NACC2: variants seen among roughly 807,000 people sequenced by gnomAD.
NACC2 encodes nucleus accumbens-associated protein 2.
A neutral mutation model predicts 25.1 loss-of-function variants in NACC2; 8 were observed. That is an observed-to-expected ratio of 0.32 (90% CI 0.19 to 0.57). The LOEUF is 0.57. NACC2 is among the 20% of genes least tolerant of loss of function. NACC2 has a pLI of 0.89. For missense variants in NACC2, 644 were observed against 650.2 expected, an observed-to-expected ratio of 0.99 and a Z score of 0.10; for synonymous variants, 435 against 294.7, an observed-to-expected ratio of 1.48 and a Z score of -4.88.
Position 136,049,630 on chromosome 9 carries a change from C to T in NACC2, c.886+6G>A, listed in dbSNP as rs1331126841. The T allele has an allele frequency of 2.5e-5, 19 of 774,156 alleles. 1 individual carries two copies. The highest frequency in any genetic ancestry group is 2.7e-4 in the Middle Eastern group (1 of 3,762). The allele number at this position is 774,156 out of a possible 1,614,324, so 48.0% of individuals were successfully genotyped here. ...GGTGGTGTGGGGCTCCACCCCGCCG[C>T]GTTACCTGCATAGCTGCCGGAGGCC... On this transcript the variant is annotated splice_donor_region_variant and intron_variant, in intron 2 of 5. Transcript: ENST00000277554.
rs1840785560 is a variant in NACC2 at position 136,049,642 on chromosome 9, A to G, written c.880T>C (p.Tyr294His). The G allele has an allele frequency of 1.3e-6, 1 of 776,526 alleles. No homozygotes were observed. The highest frequency in any genetic ancestry group is 2.4e-6 in the Non-Finnish European group (1 of 416,364). The allele number at this position is 776,526 out of a possible 1,614,324, so 48.1% of individuals were successfully genotyped here. A position where few individuals can be genotyped will look rare whatever the true frequency, so the allele number is the denominator to read the frequency against. Reference protein sequence around the residue: ...GQMYIKASGSYAVQEKPEPVP... With the variant: ...GQMYIKASGSHAVQEKPEPVP... ...CTCCACCCCGCCGCGTTACCTGCATAGCTGCCGGAGGCCTTGATGTACATC... is the reference window on the plus strand; with the variant it reads ...CTCCACCCCGCCGCGTTACCTGCATGGCTGCCGGAGGCCTTGATGTACATC... Residue 294 changes from tyrosine to histidine, a missense_variant, in exon 2 of 6, where the codon TAT becomes CAT. Transcript: ENST00000277554.
intron 1 of NACC2, among the ~76,000 whole-genome samples, chr9:136,067,334 G>A (rs964087781): frequency 2.0e-5 from 3 of 152,002 alleles, no homozygotes; most frequent in African/African-American, 7.2e-5. Context: ...GAGGGATGGG[G>A]AAATGAGAAT....
At chr9:136,023,897 A>G (rs2131141186) in intron 2 of NACC2, among the ~76,000 whole-genome samples, 1 of 152,328 alleles carries the variant, frequency 6.6e-6, no homozygotes, top group South Asian at 2.1e-4. Flanking sequence ...TGCCACCCAC[A>G]CAAGTGTGTA....
Position 136,009,618 on chromosome 9 carries a change from CGGCCCCACGGGAGGTCTCCTA to C in NACC2, c.*1877_*1897del, listed in dbSNP as rs1393562541. 2 of 152,374 alleles carry C rather than the reference CGGCCCCACGGGAGGTCTCCTA, an allele frequency of 1.3e-5. No homozygotes were observed. The highest frequency in any genetic ancestry group is 3.9e-4 in the East Asian group (2 of 5,182). The allele number at this position is 152,374 out of a possible 1,614,324, so 9.4% of individuals were successfully genotyped here. A position where few individuals can be genotyped will look rare whatever the true frequency, so the allele number is the denominator to read the frequency against. On this transcript the variant is annotated 3_prime_UTR_variant, in exon 6 of 6. Transcript: ENST00000277554. Reference sequence around the variant, plus strand: ...GGAGGCTGAGTGCTGTCTGTAGAGGCGGCCCCACGGGAGGTCTCCTAGGGCCTCGCCACAGGGGTGGGCTTC... The same window carrying C: ...GGAGGCTGAGTGCTGTCTGTAGAGGCGGGCCTCGCCACAGGGGTGGGCTTC...
At position 136,013,855 on chromosome 9, in the gene NACC2, C is replaced by G; in HGVS notation, c.1157+9G>C. ...CATTGTGCCCTCCAGCACTCCTGCC[C>G]CGACCTACCTGTCAAAGAAGGTGGC... On this transcript the variant is annotated intron_variant, in intron 4 of 5. Transcript: ENST00000277554. This position sits in a 1 kb window ranked among gnomAD's most constrained non-coding sequence, Gnocchi z 6.6. The G allele has an allele frequency of 6.2e-7, 1 of 1,611,678 alleles. No individual in the cohort carries two copies. The highest frequency in any genetic ancestry group is 1.1e-5 in the South Asian group (1 of 90,978).
rs914432720 is a variant in NACC2, at chr9:136,013,004, C to T, written c.1255+195G>A. Reference sequence around the variant, plus strand: ...ATCACACTTGGAAACCTACCAAGAACGTTAACACCTCGAGACCTGGCTTCT... The same window carrying T: ...ATCACACTTGGAAACCTACCAAGAATGTTAACACCTCGAGACCTGGCTTCT... On this transcript the variant is annotated intron_variant, in intron 5 of 5. Transcript: ENST00000277554. The surrounding 1 kb of genome is among the most constrained non-coding windows in gnomAD (Gnocchi z 6.6). Among the ~76,000 whole-genome samples the T allele has an allele frequency of 6.6e-6, 1 of 152,238 alleles. No homozygotes were observed. The highest frequency in any genetic ancestry group is 1.5e-5 in the Non-Finnish European group (1 of 68,042).
At chr9:136,060,258 A>G (rs1588575671) in intron 1 of NACC2, among the ~76,000 whole-genome samples, 1 of 152,260 alleles carries the variant, frequency 6.6e-6, no homozygotes, top group Non-Finnish European at 1.5e-5. Context: ...GCAACACCGA[A>G]GAATCTTGTG....
At chr9:136,042,357 G>T (rs1840645891) in intron 2 of NACC2, among the ~76,000 whole-genome samples, 1 of 152,174 alleles carries the variant, frequency 6.6e-6, no homozygotes, top group Admixed American at 6.5e-5. Context: ...TAAAGCTACA[G>T]TAATCCTGAC....
In NACC2 at chr9:136,011,325, C is replaced by T; in HGVS notation, c.*191G>A. 3.3e-6 allele frequency: 2 copies of T among 602,848 alleles called. No homozygotes were observed. The highest frequency in any genetic ancestry group is 4.8e-6 in the Non-Finnish European group (2 of 415,144). 37.3% of individuals were successfully genotyped at this position (602,848 alleles called of 1,614,324 possible). On this transcript the variant is annotated 3_prime_UTR_variant, in exon 6 of 6. Coordinates refer to ENST00000277554, the MANE Select transcript of NACC2 (RefSeq NM_144653.5). ...TTCCTCGCAGGAGGCTGCCAGTGGC[C>T]TAATTGTTTACAGTATAATGAATGC... is the stretch of plus-strand genomic sequence containing the variant.
In NACC2 at chr9:136,049,923, C is replaced by T. The variant is rs1370919396; in HGVS notation, c.599G>A (p.Gly200Asp). Reference sequence around the variant, plus strand: ...CGCAGCCCCCGCGGCCACCGCCACGCCGTCCCGGGGCCCCGTCTCCAGCGG... The same window carrying T: ...CGCAGCCCCCGCGGCCACCGCCACGTCGTCCCGGGGCCCCGTCTCCAGCGG... ...KRPLETGPRDGVAVAAGAAVA... is the reference protein window; with the variant it reads ...KRPLETGPRDDVAVAAGAAVA... Residue 200 changes from glycine (G) to aspartate (D), a missense_variant, in exon 2 of 6, where the codon GGC (glycine) becomes GAC (aspartate). By Grantham distance (94) the Gly-to-Asp change is moderately conservative (BLOSUM62 -1). Transcript: ENST00000277554. 3 of 579,182 alleles carry T rather than the reference C, an allele frequency of 5.2e-6. No individual in the cohort carries two copies. Among genetic ancestry groups the T allele is most frequent in the Non-Finnish European group, 9.2e-6 (3 of 326,054 alleles). 35.9% of individuals were successfully genotyped at this position (579,182 alleles called of 1,614,324 possible).
intron 1 of NACC2, among the ~76,000 whole-genome samples, chr9:136,053,220 G>T (rs1449340559): frequency 1.3e-5 from 2 of 152,238 alleles, no homozygotes; most frequent in African/African-American, 4.8e-5. Context: ...ACCAGAGAGA[G>T]GGCCATCTGG....
At chr9:136,051,249 C>T (rs1421401530) in intron 1 of NACC2, among the ~76,000 whole-genome samples, 7 of 152,196 alleles carry the variant, frequency 4.6e-5, no homozygotes, top group African/African-American at 1.7e-4. Context: ...CCACCCTGGG[C>T]GCGCCCGCTC....
At chr9:136,040,854 T>C (rs1394038672) in intron 2 of NACC2, among the ~76,000 whole-genome samples, 1 of 151,936 alleles carries the variant, frequency 6.6e-6, no homozygotes, top group East Asian at 1.9e-4. Flanking sequence ...CCAGCTACTC[T>C]GGGGGCTGAG....
intron 1 of NACC2, among the ~76,000 whole-genome samples, chr9:136,083,577 C>T (rs977128230): frequency 6.6e-6 from 1 of 152,236 alleles, no homozygotes; most frequent in African/African-American, 2.4e-5. Context: ...AGGGAAAACG[C>T]GGACACCTGT....
rs188412228 is a variant in NACC2, at chr9:136,009,244, C to G, written c.*2272G>C. 1.8e-4 allele frequency: 28 copies of G among 152,358 alleles called. No homozygotes were observed. The highest frequency in any genetic ancestry group is 6.5e-4 in the African/African-American group (27 of 41,484). 9.4% of individuals were successfully genotyped at this position (152,358 alleles called of 1,614,324 possible). A position where few individuals can be genotyped will look rare whatever the true frequency, so the allele number is the denominator to read the frequency against. The stretch of plus-strand genomic sequence containing the variant: ...TCACCTACCTGCCCCTGCTCCACCC[C>G]GCGGCTTCCTCCCATCTCCGAGGAA... On this transcript the variant is annotated 3_prime_UTR_variant, in exon 6 of 6. Coordinates refer to ENST00000277554, the MANE Select transcript of NACC2 (RefSeq NM_144653.5).
intron 2 of NACC2, among the ~76,000 whole-genome samples, chr9:136,044,837 C>A (rs965202146): frequency 5.1e-4 from 78 of 152,302 alleles, no homozygotes; most frequent in South Asian, 1.7e-3. Context: ...CGGAGACCAC[C>A]CTAGCCAGCA....
At chr9:136,070,370 T>G (rs1841135523) in intron 1 of NACC2, among the ~76,000 whole-genome samples, 1 of 151,354 alleles carries the variant, frequency 6.6e-6, no homozygotes. Context: ...TAGCCGGGCG[T>G]GGTGGTGGGC....
chr9:136,082,704 G>T (rs1478375256), intron 1 of NACC2, among the ~76,000 whole-genome samples: 1 of 152,200 alleles, frequency 6.6e-6, no homozygotes, highest in Admixed American at 6.5e-5. Flanking sequence ...AACCCCAACA[G>T]GGGCGCAGCC....
At chr9:136,047,132 C>T (rs141201668) in intron 2 of NACC2, among the ~76,000 whole-genome samples, 3,525 of 152,264 alleles carry the variant, frequency 0.023, 81 homozygotes, top group Non-Finnish European at 0.03. Context: ...AGACAGCTAC[C>T]TGCCTCCACT....
Sources: allele counts gnomAD v4.1 joint callset (sites outside exome capture counted in the v4.1 genomes callset), GRCh38; gene constraint gnomAD v4.1.1; non-coding constraint Gnocchi (gnomAD v3.1); transcripts MANE v1.5; gene names NCBI Gene and HGNC (gene_info 2026-07-23, HGNC 2026-07-21).